KAZN: variants seen among roughly 807,000 people sequenced by gnomAD.
The protein encoded by KAZN is kazrin.
Under a neutral mutation model 87.4 loss-of-function variants are expected in KAZN, and 40 were observed. The observed-to-expected ratio is 0.46, with a 90% CI of 0.36 to 0.60. KAZN has a LOEUF of 0.60. Among genes scored for constraint, KAZN ranks in the 20% least tolerant of loss-of-function variants. The probability of loss-of-function intolerance (pLI) is 0.00; values close to 1 mark genes in which losing one functional copy is unlikely to be tolerated. For missense variants in KAZN, 898 were observed against 1,073.9 expected, an observed-to-expected ratio of 0.84 and a Z score of 2.29; for synonymous variants, 466 against 458.3, an observed-to-expected ratio of 1.02 and a Z score of -0.22.
At position 14,598,684 on chromosome 1, in the gene KAZN, CCTT is replaced by C. The variant is rs1314338416; in HGVS notation, c.-310_-308del. The stretch of plus-strand genomic sequence containing the variant: ...AAGAGTGCCTGGTGGCGCGCGGTGT[CCTT>C]CTTGGAGCAGCTCTCGGCGCCCGCC... On this transcript the variant is annotated 5_prime_UTR_variant, in exon 1 of 15. Transcript: ENST00000376030. The surrounding 1 kb of genome is among the most constrained non-coding windows in gnomAD (Gnocchi z 4.2). 1.3e-5 allele frequency: 17 copies of C among 1,288,192 alleles called. No individual in the cohort carries two copies. Among genetic ancestry groups the C allele is most frequent in the Admixed American group, 4.4e-5 (1 of 22,974 alleles). 79.8% of individuals were successfully genotyped at this position (1,288,192 alleles called of 1,614,324 possible).
At chr1:14,376,318 T>C (rs1660915867) in intron 2 of KAZN, among the ~76,000 whole-genome samples, 1 of 152,002 alleles carries the variant, frequency 6.6e-6, no homozygotes, top group Non-Finnish European at 1.5e-5. Context: ...AGCAACAGAG[T>C]TGAAAGATGG....
intron 2 of KAZN, among the ~76,000 whole-genome samples, chr1:14,540,525 G>A (rs1391165376): frequency 6.6e-6 from 1 of 152,110 alleles, no homozygotes; most frequent in Non-Finnish European, 1.5e-5. Flanking sequence ...TCCAAAGGGT[G>A]TTGTCACACA....
chr1:14,460,224 A>G (rs1249238909), intron 2 of KAZN, among the ~76,000 whole-genome samples: 1 of 152,224 alleles, frequency 6.6e-6, no homozygotes, highest in East Asian at 1.9e-4. Flanking sequence ...ACTCTGGGAC[A>G]CATAGTTCCC....
At chr1:13,904,125 G>C (rs1347430674) in intron 1 of KAZN, among the ~76,000 whole-genome samples, 1 of 152,184 alleles carries the variant, frequency 6.6e-6, no homozygotes, top group East Asian at 1.9e-4. Flanking sequence ...GAAAGGCTGG[G>C]TAGAGGGATC....
At chr1:14,070,688 C>T (rs139670509) in intron 1 of KAZN, among the ~76,000 whole-genome samples, 14 of 152,292 alleles carry the variant, frequency 9.2e-5, no homozygotes, top group East Asian at 3.9e-4. Flanking sequence ...CTTTCGTACA[C>T]GTATGGCTTT....
chr1:14,590,273 C>T (rs951536822), intron 2 of KAZN, among the ~76,000 whole-genome samples: 1 of 152,102 alleles, frequency 6.6e-6, no homozygotes, highest in Non-Finnish European at 1.5e-5. Flanking sequence ...CCAAATGGGT[C>T]CCCAGGGCCT....
intron 2 of KAZN, among the ~76,000 whole-genome samples, chr1:14,505,032 C>T (rs762247233): frequency 2.0e-5 from 3 of 152,178 alleles, no homozygotes; most frequent in Non-Finnish European, 2.9e-5. Context: ...CAGGAGGGAA[C>T]TAGGGATGCC....
chr1:14,803,459 G>A (rs1646104544), intron 1 of KAZN, among the ~76,000 whole-genome samples: 1 of 152,216 alleles, frequency 6.6e-6, no homozygotes, highest in Non-Finnish European at 1.5e-5. Context: ...TGCTGAAGCT[G>A]CCATCCTCCT....
At chr1:15,008,360 G>C (rs994780748) in intron 2 of KAZN, among the ~76,000 whole-genome samples, 4 of 152,212 alleles carry the variant, frequency 2.6e-5, no homozygotes, top group Admixed American at 6.5e-5. Context: ...GAGCCTGAGA[G>C]TAGTCGGCCT....
chr1:14,680,125 C>G (rs1420942561), intron 1 of KAZN, among the ~76,000 whole-genome samples: 1 of 152,144 alleles, frequency 6.6e-6, no homozygotes, highest in Non-Finnish European at 1.5e-5. Flanking sequence ...CTGAGTGACT[C>G]TTTTTAAAAT....
intron 3 of KAZN, among the ~76,000 whole-genome samples, chr1:15,038,032 G>T (rs931107260): frequency 1.3e-5 from 2 of 152,076 alleles, no homozygotes; most frequent in Non-Finnish European, 2.9e-5. Flanking sequence ...TGGGAGGATC[G>T]CTTGAGCCCA....
At position 14,005,047 on chromosome 1, in the gene KAZN, C is replaced by T. The variant is rs146349851; in HGVS notation, c.91+111291C>T. On this transcript the variant is annotated intron_variant, in intron 1 of 16. Coordinates refer to the KAZN transcript ENST00000636203. ...GCTTTAGACTTTCCAGCCTCCATAA[C>T]TGCAAGAAATAAATTTCTTTTCTTT... Among the ~76,000 whole-genome samples the T allele has an allele frequency of 2.5e-3, 385 of 152,242 alleles. 4 individuals carry two copies. Among genetic ancestry groups the T allele is most frequent in the African/African-American group, 9.0e-3 (375 of 41,518 alleles).
intron 2 of KAZN, among the ~76,000 whole-genome samples, chr1:14,433,011 T>C (rs1666166854): frequency 6.7e-6 from 1 of 150,134 alleles, no homozygotes; most frequent in Non-Finnish European, 1.5e-5. Context: ...TAGGTGGTTG[T>C]GCACACACAC....
chr1:15,049,331 A>C (rs1043768653), intron 4 of KAZN, among the ~76,000 whole-genome samples: 1 of 152,322 alleles, frequency 6.6e-6, no homozygotes, highest in East Asian at 1.9e-4. Flanking sequence ...CAGCACGGGA[A>C]ATGCTCTTCA....
intron 1 of KAZN, among the ~76,000 whole-genome samples, chr1:14,626,833 C>T (rs1031608695): frequency 1.3e-5 from 2 of 152,160 alleles, no homozygotes; most frequent in Non-Finnish European, 2.9e-5. Flanking sequence ...CAAGGTTGTT[C>T]ATGCTGCTTG....
At chr1:13,917,874 A>G (rs895137755) in intron 1 of KAZN, among the ~76,000 whole-genome samples, 10 of 152,102 alleles carry the variant, frequency 6.6e-5, no homozygotes, top group Non-Finnish European at 5.9e-5. Flanking sequence ...GGAACAGCAA[A>G]GCCTGATGAC....
At chr1:14,263,959 T>G (rs957069841) in intron 2 of KAZN, among the ~76,000 whole-genome samples, 2 of 152,252 alleles carry the variant, frequency 1.3e-5, no homozygotes, top group African/African-American at 4.8e-5. Context: ...GCTCCTGGGC[T>G]ATCTCAGCTA....
At chr1:14,379,015 G>C (rs1661143468) in intron 2 of KAZN, among the ~76,000 whole-genome samples, 1 of 147,890 alleles carries the variant, frequency 6.8e-6, no homozygotes, top group Admixed American at 6.9e-5. Flanking sequence ...GAAGATGGAA[G>C]ACTAAAGAAG....
At chr1:14,557,695 G>GA (rs1673995930) in intron 2 of KAZN, among the ~76,000 whole-genome samples, 1 of 150,010 alleles carries the variant, frequency 6.7e-6, no homozygotes, top group Non-Finnish European at 1.5e-5. Context: ...GAGAGAGAGA[G>GA]ATTTGTTGTA....
Sources: allele counts gnomAD v4.1 joint callset (sites outside exome capture counted in the v4.1 genomes callset), GRCh38; gene constraint gnomAD v4.1.1; non-coding constraint Gnocchi (gnomAD v3.1); transcripts MANE v1.5; gene names NCBI Gene and HGNC (gene_info 2026-07-23, HGNC 2026-07-21).